FAM83E: variants seen among roughly 807,000 people sequenced by gnomAD.
FAM83E encodes protein FAM83E.
A neutral mutation model predicts 34.3 loss-of-function variants in FAM83E; 29 were observed. The ratio of observed to expected loss-of-function variants is 0.85; its 90% confidence interval spans 0.63 to 1.15. The LOEUF (loss-of-function observed/expected upper bound fraction) is 1.15, where lower values mean the gene tolerates loss of function less well. FAM83E is among the 50% of genes most tolerant of loss of function. The pLI, the probability that FAM83E is intolerant of heterozygous loss-of-function variation, is 0.00. For missense variants in FAM83E, 697 were observed against 685.0 expected (o/e 1.02, Z -0.20); for synonymous variants, 312 against 311.6 (o/e 1.00, Z -0.01).
Position 48,614,024 on chromosome 19 carries a change from C to T in FAM83E, c.-652G>A. ...GCCTGTTGGAGCATCTGTCTCTGGC[C>T]AAATCTGACAGCCCCCACGAGTTTC... On this transcript the variant is annotated 5_prime_UTR_variant, in exon 3 of 7. Transcript: ENST00000263266. 3.0e-6 allele frequency: 3 copies of T among 985,650 alleles called. No individual in the cohort carries two copies. Among genetic ancestry groups the T allele is most frequent in the Non-Finnish European group, 3.6e-6 (3 of 830,094 alleles). 61.1% of individuals were successfully genotyped at this position (985,650 alleles called of 1,614,324 possible).
chr19:48,604,819 A>G (rs1448976965), intron 5 of FAM83E, among the ~76,000 whole-genome samples: 3 of 149,512 alleles, frequency 2.0e-5, no homozygotes, highest in Non-Finnish European at 3.0e-5. Context: ...CAGGAGTTTG[A>G]GATCAGCCTG....
chr19:48,614,954 G>A lies in FAM83E; in HGVS notation c.-1405C>T, dbSNP rs867832067. 4.0e-5 allele frequency: 10 copies of A among 252,490 alleles called. No homozygotes were observed. Among genetic ancestry groups the A allele is most frequent in the Middle Eastern group, 2.0e-3 (1 of 488 alleles). 15.6% of individuals were successfully genotyped at this position (252,490 alleles called of 1,614,324 possible). A position where few individuals can be genotyped will look rare whatever the true frequency, so the allele number is the denominator to read the frequency against. On this transcript the variant is annotated 5_prime_UTR_variant, in exon 1 of 7. Coordinates refer to ENST00000263266, the MANE Select transcript of FAM83E (RefSeq NM_017708.4). ...TTCTTTACCTGTGCTCTCCCAGGGG[G>A]TGAACGCCCCTCTAGACTCAGGCTT...
At chr19:48,605,322 C>T (rs1463367404) in intron 5 of FAM83E, among the ~76,000 whole-genome samples, 1 of 152,106 alleles carries the variant, frequency 6.6e-6, no homozygotes, top group African/African-American at 2.4e-5. Context: ...CCTGTAATCC[C>T]AGCACTTTGG....
chr19:48,608,778 A>T (rs1408346373), intron 5 of FAM83E, among the ~76,000 whole-genome samples: 1 of 100,016 alleles, frequency 1.0e-5, no homozygotes, highest in Non-Finnish European at 1.9e-5. Context: ...GCTCCCAGGG[A>T]TTCTGGTGCA....
In FAM83E at chr19:48,614,699, G is replaced by C. The variant is rs921960525; in HGVS notation, c.-1256+9C>G. 11 of 686,702 alleles carry C rather than the reference G, an allele frequency of 1.6e-5. No homozygotes were observed. Among genetic ancestry groups the C allele is most frequent in the Non-Finnish European group, 1.1e-5 (6 of 568,546 alleles). The allele number at this position is 686,702 out of a possible 1,614,324, so 42.5% of individuals were successfully genotyped here. The stretch of plus-strand genomic sequence containing the variant: ...ACCCTCACCCATCCCCCCCATCGCC[G>C]GGGCTCACCCACACCGGCTAGTGCC... On this transcript the variant is annotated intron_variant, in intron 2 of 6. Transcript: ENST00000263266.
chr19:48,602,141 CAAAAAA>C (rs35272146), intron 6 of FAM83E, among the ~76,000 whole-genome samples: 2 of 41,562 alleles, frequency 4.8e-5, no homozygotes, highest in Non-Finnish European at 8.0e-5. Context: ...GACCCTATCT[CAAAAAA>C]AAAAAAAAAA....
chr19:48,606,790 T>TC, intron 5 of FAM83E: 1 of 655,390 alleles, frequency 1.5e-6, no homozygotes, highest in Non-Finnish European at 2.6e-6. Context: ...CTCACCTCCA[T>TC]CCCCAGGACT....
At position 48,603,537 on chromosome 19, in the gene FAM83E, C is replaced by T. The variant is rs775219388; in HGVS notation, c.1133G>A (p.Ser378Asn). ...ARPSRSMWDL[S>N]RLSQLSGSSD... ...GGAGCCAGACAGCTGGGACAGGCGG[C>T]TTAGGTCCCACATGGAGCGGCTGGG... is the stretch of plus-strand genomic sequence containing the variant. The change falls in exon 6 of 7, where the codon AGC becomes AAC. Residue 378 changes from serine to asparagine, a missense_variant. Physicochemically the swap from Ser to Asn is conservative, Grantham distance 46 (BLOSUM62 1). Transcript: ENST00000263266. The T allele has an allele frequency of 6.4e-7, 1 of 1,569,342 alleles. No homozygotes were observed. Among genetic ancestry groups the T allele is most frequent in the Non-Finnish European group, 8.6e-7 (1 of 1,165,804 alleles).
In FAM83E at chr19:48,606,766, G is replaced by A. The variant is rs1346189043; in HGVS notation, c.759-2855C>T. The A allele has an allele frequency of 5.0e-6, 3 of 602,666 alleles. No individual in the cohort carries two copies. The East Asian group carries it at 8.3e-5, about 17-fold the overall frequency. The allele number at this position is 602,666 out of a possible 1,614,324, so 37.3% of individuals were successfully genotyped here. On this transcript the variant is annotated intron_variant, in intron 5 of 6. Coordinates refer to ENST00000263266, the MANE Select transcript of FAM83E (RefSeq NM_017708.4). ...CATTCCATTCACAGACTCTTGTTGG[G>A]CAGCAGCCACCCGCTCACCTCCATC...
At chr19:48,604,191 C>G (rs148203072) in intron 5 of FAM83E, among the ~76,000 whole-genome samples, 8,840 of 151,872 alleles carry the variant, frequency 0.058, 886 homozygotes, top group African/African-American at 0.2. Context: ...CCAGGAGTTT[C>G]AGACCAGCCT....
chr19:48,613,999 G>C lies in FAM83E; in HGVS notation c.-627C>G. ...CTTCCGACTGACAGTCACAGTATCT[G>C]CCTGTTGGAGCATCTGTCTCTGGCC... On this transcript the variant is annotated 5_prime_UTR_variant, in exon 3 of 7. Transcript: ENST00000263266. 1 of 985,404 alleles carries C rather than the reference G, an allele frequency of 1.0e-6. No individual in the cohort carries two copies. Among genetic ancestry groups the C allele is most frequent in the Non-Finnish European group, 1.2e-6 (1 of 829,934 alleles). 61.0% of individuals were successfully genotyped at this position (985,404 alleles called of 1,614,324 possible).
At chr19:48,607,754 T>TTC (rs1181005541) in intron 5 of FAM83E, 2 of 170,138 alleles carry the variant, frequency 1.2e-5, no homozygotes, top group Admixed American at 5.5e-5. Flanking sequence ...TCCTTTTTTT[T>TTC]TTTTTCTTTT....
rs139443954 is a variant in FAM83E at position 48,600,932 on chromosome 19, C to A, written c.*177G>T. The A allele has an allele frequency of 6.2e-4, 854 of 1,371,530 alleles. 4 individuals carry two copies. In the African/African-American group the frequency reaches 0.01, roughly 17 times the overall value. The allele number at this position is 1,371,530 out of a possible 1,614,324, so 85.0% of individuals were successfully genotyped here. ...CCTCCCAAAGTGCAGGGATTACAGG[C>A]ATGAGCCACCACTCCCGGCCCAAGT... On this transcript the variant is annotated 3_prime_UTR_variant, in exon 7 of 7. Transcript: ENST00000263266.
At chr19:48,601,979 A>G (rs1973824323) in intron 6 of FAM83E, among the ~76,000 whole-genome samples, 1 of 151,142 alleles carries the variant, frequency 6.6e-6, no homozygotes, top group Non-Finnish European at 1.5e-5. Flanking sequence ...TCATCTCTCC[A>G]AAAAATACAA....
rs766291649 is a variant in FAM83E, at chr19:48,613,440, G to T, written c.-68C>A. The T allele has an allele frequency of 3.4e-6, 5 of 1,449,586 alleles. No homozygotes were observed. The highest frequency in any genetic ancestry group is 4.5e-6 in the Non-Finnish European group (5 of 1,104,102). The allele number at this position is 1,449,586 out of a possible 1,614,324, so 89.8% of individuals were successfully genotyped here. On this transcript the variant is annotated 5_prime_UTR_variant, in exon 3 of 7. Coordinates refer to ENST00000263266, the MANE Select transcript of FAM83E (RefSeq NM_017708.4). ...CCCCGGGGGTCTGGCTGTCTCTGGG[G>T]ACTGTGATCATCTGGGGGTTCTCCT...
In FAM83E at chr19:48,607,984, T is replaced by C. The variant is rs563292821; in HGVS notation, c.758+1892A>G. 1.1e-3 allele frequency among the ~76,000 whole-genome samples: 163 copies of C among 152,324 alleles called. 1 individual carries two copies. Among genetic ancestry groups the C allele is most frequent in the African/African-American group, 3.8e-3 (156 of 41,568 alleles). On this transcript the variant is annotated intron_variant, in intron 5 of 6. Transcript: ENST00000263266. ...AACATCCTGGTCTCAACTCCAATCA[T>C]TCTCAAAGTGTGGTCCCTGGACCAG... is the stretch of plus-strand genomic sequence containing the variant.
chr19:48,603,556 G>A lies in FAM83E; in HGVS notation c.1114C>T (p.Arg372Cys), dbSNP rs769720931. ...TPSGPPARPSRSMWDLSRLSQ... is the reference protein window; with the variant it reads ...TPSGPPARPSCSMWDLSRLSQ... ...AGGCGGCTTAGGTCCCACATGGAGC[G>A]GCTGGGCCGGGCCGGGGGGCCGCTG... Residue 372 changes from arginine to cysteine, a missense_variant, in exon 6 of 7, where the codon CGC becomes TGC. Coordinates refer to ENST00000263266, the MANE Select transcript of FAM83E (RefSeq NM_017708.4). The A allele has an allele frequency of 1.9e-5, 29 of 1,562,618 alleles. No individual in the cohort carries two copies. In the Admixed American group the frequency reaches 4.2e-4, roughly 22 times the overall value.
chr19:48,607,178 G>A lies in FAM83E; in HGVS notation c.758+2698C>T, dbSNP rs148762713. 102 of 1,613,104 alleles carry A rather than the reference G, an allele frequency of 6.3e-5. No individual in the cohort carries two copies. In the African/African-American group the frequency reaches 1.2e-3, roughly 19 times the overall value. The stretch of plus-strand genomic sequence containing the variant: ...CCGGTCATCAACAAAGGCTGCCTGC[G>A]AGCCACCAGCTGCGGCCTTGAGGAA... On this transcript the variant is annotated intron_variant, in intron 5 of 6. Transcript: ENST00000263266.
chr19:48,613,150 T>C lies in FAM83E; in HGVS notation c.223A>G (p.Thr75Ala). Residue 75 changes from threonine (T) to alanine (A), a missense_variant, in exon 3 of 7, where the codon ACA (threonine) becomes GCA (alanine). Transcript: ENST00000263266. ...QGLAAAAEDWTVAKQEPSGMA... is the reference protein window; with the variant it reads ...QGLAAAAEDWAVAKQEPSGMA... ...CCGCTGGGCTCCTGCTTGGCCACTG[T>C]CCAGTCTTCAGCTGCCGCTGCCAAG... 1.2e-6 allele frequency: 2 copies of C among 1,612,032 alleles called. No homozygotes were observed. Among genetic ancestry groups the C allele is most frequent in the Non-Finnish European group, 1.7e-6 (2 of 1,179,864 alleles).
Sources: gnomAD v4.1 joint callset for allele counts (sites outside exome capture counted in the v4.1 genomes callset) on GRCh38, gnomAD v4.1.1 for gene constraint, MANE v1.5 for transcripts, NCBI Gene and HGNC (gene_info 2026-07-23, HGNC 2026-07-21) for gene names.